The following NRP1 variants were observed in gnomAD, a reference collection of about 807,000 sequenced individuals.
NRP1 encodes neuropilin 1, also known as neuropilin-1.
Under a neutral mutation model 106.7 loss-of-function variants are expected in NRP1, and 35 were observed. The ratio of observed to expected loss-of-function variants is 0.33; its 90% CI spans 0.25 to 0.43. NRP1 has a LOEUF of 0.43. NRP1 is among the 20% of genes least tolerant of loss of function. The pLI is 1.00. For missense variants in NRP1, 1,024 were observed against 1,170.4 expected (o/e 0.87, Z 1.83); for synonymous variants, 437 against 417.9 (o/e 1.05, Z -0.56).
chr10:33,245,969 G>A (rs775185714), intron 6 of NRP1, among the ~76,000 whole-genome samples: 6 of 152,128 alleles, frequency 3.9e-5, no homozygotes, highest in Non-Finnish European at 7.4e-5. Flanking sequence ...TGTCTTTTTG[G>A]TGATGCTTCA....
At chr10:33,270,608 T>G in intron 3 of NRP1, 67 bp downstream of exon 3, 49 of 1,389,978 alleles carry the variant, frequency 3.5e-5, no homozygotes, top group Non-Finnish European at 4.7e-5. Context: ...ATTACAGGGG[T>G]GAGCCACCAC....
intron 6 of NRP1, among the ~76,000 whole-genome samples, chr10:33,233,852 AT>A (rs1414767040): frequency 3.3e-5 from 5 of 152,198 alleles, no homozygotes; most frequent in African/African-American, 1.2e-4. Context: ...TAAAGAAAAT[AT>A]TTTTAAGCAA....
chr10:33,182,559 ACC>A (rs1564359712), intron 16 of NRP1, 137 bp downstream of exon 16: 5 of 642,956 alleles, frequency 7.8e-6, no homozygotes. Flanking sequence ...CACAGCACCA[ACC>A]CAGGGCCATG....
chr10:33,221,178 T>G (rs1839213617), intron 8 of NRP1, among the ~76,000 whole-genome samples: 1 of 152,200 alleles, frequency 6.6e-6, no homozygotes, highest in Non-Finnish European at 1.5e-5. Flanking sequence ...GCCACTGCAC[T>G]GCAGCCTGAG....
chr10:33,321,134 G>C (rs959566415), intron 2 of NRP1, among the ~76,000 whole-genome samples: 5 of 152,008 alleles, frequency 3.3e-5, no homozygotes, highest in African/African-American at 9.7e-5. Flanking sequence ...TTACAGGTGC[G>C]TGCCACCACA....
intron 2 of NRP1, among the ~76,000 whole-genome samples, chr10:33,315,848 C>T (rs1029193701): frequency 6.6e-6 from 1 of 152,172 alleles, no homozygotes; most frequent in Non-Finnish European, 1.5e-5. Flanking sequence ...AGGGCATTTA[C>T]CCCCACCACA....
At chr10:33,296,820 G>C (rs2132669472) in intron 2 of NRP1, among the ~76,000 whole-genome samples, 1 of 152,218 alleles carries the variant, frequency 6.6e-6, no homozygotes, top group South Asian at 2.1e-4. Context: ...TCTGAGGCCA[G>C]GAGTTCAAGA....
At chr10:33,286,513 A>G (rs561450594) in intron 2 of NRP1, among the ~76,000 whole-genome samples, 1 of 152,246 alleles carries the variant, frequency 6.6e-6, no homozygotes, top group South Asian at 2.1e-4. Flanking sequence ...TGGAGCAAGG[A>G]TCCAGGAAAT....
intron 2 of NRP1, among the ~76,000 whole-genome samples, chr10:33,290,379 G>A (rs1418912581): frequency 6.8e-6 from 1 of 147,174 alleles, no homozygotes; most frequent in African/African-American, 2.5e-5. Context: ...ATTCATAGGG[G>A]CCACCAAGGC....
chr10:33,277,545 A>G (rs1032541998), intron 2 of NRP1, among the ~76,000 whole-genome samples: 8 of 152,246 alleles, frequency 5.3e-5, no homozygotes, highest in Non-Finnish European at 8.8e-5. Flanking sequence ...CCGAGGAGCT[A>G]TGGGGCCTGA....
Position 33,186,461 on chromosome 10 carries a change from G to A in NRP1, c.2090C>T (p.Ala697Val). The A allele has an allele frequency of 6.2e-7, 1 of 1,613,300 alleles. No homozygotes were observed. The highest frequency in any genetic ancestry group is 8.5e-7 in the Non-Finnish European group (1 of 1,179,480). Residue 697 changes from alanine (A) to valine (V), a missense_variant, in exon 14 of 17, where the codon GCT becomes GTT. Around this residue, in one of 5 missense-constraint regions of NRP1, gnomAD observed 562 missense variants for 620.3 expected, o/e 0.91. Coordinates refer to ENST00000374867, the MANE Select transcript of NRP1 (RefSeq NM_003873.7). ...TGDGNFIYSQADENQKGKVAR... is the reference protein window; with the variant it reads ...TGDGNFIYSQVDENQKGKVAR... ...CACTTTGCCCTTCTGATTTTCGTCA[G>A]CTTGGGAATAGATGAAGTTGCCATC... is the stretch of plus-strand genomic sequence containing the variant.
At chr10:33,233,748 G>T (rs1278316556) in intron 6 of NRP1, among the ~76,000 whole-genome samples, 1 of 152,178 alleles carries the variant, frequency 6.6e-6, no homozygotes, top group African/African-American at 2.4e-5. Context: ...TTAAAAACAG[G>T]AAAATATTTT....
chr10:33,195,183 T>C (rs1057417881), intron 12 of NRP1, among the ~76,000 whole-genome samples: 1 of 152,230 alleles, frequency 6.6e-6, no homozygotes, highest in African/African-American at 2.4e-5. Context: ...CAAACTTCTA[T>C]AGAGCAGTTT....
At chr10:33,323,251 C>A (rs554697756) in intron 2 of NRP1, among the ~76,000 whole-genome samples, 298 of 144,154 alleles carry the variant, frequency 2.1e-3, no homozygotes, top group Middle Eastern at 0.019. Context: ...CAAAAAAAAA[C>A]CAGTCATAAT....
intron 8 of NRP1, among the ~76,000 whole-genome samples, chr10:33,219,698 C>A (rs1475621940): frequency 6.6e-6 from 1 of 152,060 alleles, no homozygotes; most frequent in Non-Finnish European, 1.5e-5. Context: ...TTAAAAAGGA[C>A]AGTTTAGGTA....
intron 2 of NRP1, among the ~76,000 whole-genome samples, chr10:33,316,436 G>C (rs997482009): frequency 6.6e-6 from 1 of 152,152 alleles, no homozygotes; most frequent in Non-Finnish European, 1.5e-5. Flanking sequence ...TTAATTTTAG[G>C]AAATGGTCAG....
intron 13 of NRP1, among the ~76,000 whole-genome samples, chr10:33,189,763 T>C (rs558351323): frequency 1.9e-4 from 29 of 152,204 alleles, no homozygotes; most frequent in Admixed American, 4.6e-4. Context: ...AACAACCCAA[T>C]GTCTGGCTTG....
intron 13 of NRP1, among the ~76,000 whole-genome samples, chr10:33,190,361 G>A (rs1836321355): frequency 6.6e-6 from 1 of 152,172 alleles, no homozygotes; most frequent in Non-Finnish European, 1.5e-5. Context: ...TATGTACAGT[G>A]CCATTTACAG....
rs752739380 is a variant in NRP1 at position 33,263,893 on chromosome 10, A to C, written c.431-20T>G. The C allele has an allele frequency of 1.3e-6, 2 of 1,489,794 alleles. No homozygotes were observed. Among genetic ancestry groups the C allele is most frequent in the Non-Finnish European group, 1.9e-6 (2 of 1,069,826 alleles). The allele number at this position is 1,489,794 out of a possible 1,614,324, so 92.3% of individuals were successfully genotyped here. The stretch of plus-strand genomic sequence containing the variant: ...CAGGACCTATGAGTAGAAGAGAAAA[A>C]GGAGTAAAGTGAAAATCCCACTTAA... On this transcript the variant is annotated intron_variant, in intron 3 of 16. Coordinates refer to ENST00000374867, the MANE Select transcript of NRP1 (RefSeq NM_003873.7).
Sources: allele counts gnomAD v4.1 joint callset (sites outside exome capture counted in the v4.1 genomes callset), GRCh38; gene constraint gnomAD v4.1.1; regional missense constraint gnomAD v4.1.1; transcripts MANE v1.5; gene names NCBI Gene and HGNC (gene_info 2026-07-23, HGNC 2026-07-21).